Variants in TJP1 observed in about 807,000 individuals in gnomAD.
The protein encoded by TJP1 is tight junction protein 1.
In TJP1, 43 loss-of-function variants were observed where a neutral mutation model predicts 194.2. The observed-to-expected ratio is 0.22, with a 90% CI of 0.17 to 0.29. The LOEUF is 0.29. Among genes scored for constraint, TJP1 ranks in the 10% least tolerant of loss-of-function variants. The pLI, the probability that TJP1 is intolerant of heterozygous loss-of-function variation, is 1.00. For missense variants in TJP1, 1,971 were observed against 2,185.7 expected, an observed-to-expected ratio of 0.90 and a Z score of 1.96; for synonymous variants, 801 against 779.0, an observed-to-expected ratio of 1.03 and a Z score of -0.47.
At chr15:29,754,623 G>A (rs1013935181) in intron 8 of TJP1, among the ~76,000 whole-genome samples, 1 of 152,138 alleles carries the variant, frequency 6.6e-6, no homozygotes, top group Admixed American at 6.5e-5. Flanking sequence ...ATAATTTTTA[G>A]CCTATTGGCA....
At position 29,760,138 on chromosome 15, in the gene TJP1, G is replaced by A. The variant is rs143984185; in HGVS notation, c.1010+1001C>T. The stretch of plus-strand genomic sequence containing the variant: ...ACTGTCTCTTCAGCCCTGGACTCAT[G>A]TTTCAAGTGATCTTCATGTGGACTG... On this transcript the variant is annotated intron_variant, in intron 8 of 27. Transcript: ENST00000614355. 16 of 688,674 alleles carry A rather than the reference G, an allele frequency of 2.3e-5. No individual in the cohort carries two copies. The African/African-American group carries it at 2.8e-4, about 12-fold the overall frequency. 42.7% of individuals were successfully genotyped at this position (688,674 alleles called of 1,614,324 possible). A position where few individuals can be genotyped will look rare whatever the true frequency, so the allele number is the denominator to read the frequency against.
At position 29,822,352 on chromosome 15, in the gene TJP1, G is replaced by T. The variant is rs1230137079; in HGVS notation, c.-324C>A. Reference sequence around the variant, plus strand: ...GGTCGCCCGCCCGTCAGCAGCACCCGTGGCCTCCCGGCGTCTCCTCGGAAG... The same window carrying T: ...GGTCGCCCGCCCGTCAGCAGCACCCTTGGCCTCCCGGCGTCTCCTCGGAAG... On this transcript the variant is annotated 5_prime_UTR_variant, in exon 1 of 28. Coordinates refer to ENST00000614355, the MANE Select transcript of TJP1 (RefSeq NM_001330239.4). 6.7e-6 allele frequency: 7 copies of T among 1,051,218 alleles called. No individual in the cohort carries two copies. The Admixed American group carries it at 3.3e-4, about 50-fold the overall frequency. 65.1% of individuals were successfully genotyped at this position (1,051,218 alleles called of 1,614,324 possible).
In TJP1 at chr15:29,719,897, T is replaced by G; in HGVS notation, c.2883A>C (p.Pro961=). The G allele has an allele frequency of 6.2e-7, 1 of 1,614,042 alleles. No individual in the cohort carries two copies. The change falls in exon 20 of 28, where the codon CCA becomes CCC. Residue 961 remains proline, a synonymous_variant. Coordinates refer to ENST00000614355, the MANE Select transcript of TJP1 (RefSeq NM_001330239.4). ...GTGGTGAGTAAGAGGTGGAAGGAGCTGGGGTGGGCTCCTCCAGTCTGACAT... is the reference window on the plus strand; with the variant it reads ...GTGGTGAGTAAGAGGTGGAAGGAGCGGGGGTGGGCTCCTCCAGTCTGACAT... ...LTNVRLEEPT[P]APSTSYSPQA...
intron 2 of TJP1, among the ~76,000 whole-genome samples, chr15:29,937,129 A>G (rs190953049): frequency 6.6e-6 from 1 of 152,146 alleles, no homozygotes; most frequent in South Asian, 2.1e-4. Context: ...ACTATTATAG[A>G]CTCTATTATA....
At chr15:29,869,880 C>A (rs1204479809) in intron 2 of TJP1, among the ~76,000 whole-genome samples, 1 of 137,760 alleles carries the variant, frequency 7.3e-6, no homozygotes, top group Non-Finnish European at 1.5e-5. Context: ...GATCTCGGCT[C>A]ACTGCAACCT....
intron 2 of TJP1, among the ~76,000 whole-genome samples, chr15:29,949,027 A>C (rs1452477061): frequency 1.4e-5 from 2 of 139,212 alleles, no homozygotes; most frequent in Non-Finnish European, 3.1e-5. Context: ...TACCCTCACA[A>C]ACACCCACCA....
At chr15:29,867,443 C>G (rs1045631821) in intron 2 of TJP1, among the ~76,000 whole-genome samples, 9 of 152,174 alleles carry the variant, frequency 5.9e-5, no homozygotes, top group African/African-American at 2.2e-4. Context: ...TCACATTGGG[C>G]CTTGCTGGCT....
At chr15:29,802,975 A>C (rs2048885515) in intron 1 of TJP1, among the ~76,000 whole-genome samples, 1 of 152,222 alleles carries the variant, frequency 6.6e-6, no homozygotes, top group East Asian at 1.9e-4. Context: ...AGAAGATGTT[A>C]ATCAAATGGG....
intron 2 of TJP1, among the ~76,000 whole-genome samples, chr15:29,878,636 G>T (rs1404994664): frequency 2.0e-5 from 3 of 151,888 alleles, no homozygotes; most frequent in African/African-American, 7.3e-5. Context: ...AAGCATCTTT[G>T]AAAGGTGTCT....
intron 2 of TJP1, among the ~76,000 whole-genome samples, chr15:29,939,677 AG>A (rs1254503953): frequency 6.6e-6 from 1 of 152,196 alleles, no homozygotes; most frequent in Non-Finnish European, 1.5e-5. Flanking sequence ...TAACCACAAA[AG>A]TGATGGTATT....
chr15:29,959,235 C>T (rs2056068143), intron 1 of TJP1, among the ~76,000 whole-genome samples: 1 of 151,630 alleles, frequency 6.6e-6, no homozygotes. Context: ...GTGATCTGCC[C>T]ACCATCAGCC....
intron 2 of TJP1, among the ~76,000 whole-genome samples, chr15:29,933,066 T>C (rs1238116830): frequency 6.6e-6 from 1 of 152,228 alleles, no homozygotes; most frequent in African/African-American, 2.4e-5. Context: ...ATAAAAATCA[T>C]TAAAAATCCC....
intron 8 of TJP1, among the ~76,000 whole-genome samples, chr15:29,755,674 T>C (rs920539032): frequency 2.0e-5 from 3 of 152,206 alleles, no homozygotes; most frequent in Admixed American, 1.3e-4. Flanking sequence ...TTTCGTAAAA[T>C]GGATTTGCTA....
At chr15:29,873,449 C>T (rs1200791619) in intron 2 of TJP1, among the ~76,000 whole-genome samples, 1 of 152,212 alleles carries the variant, frequency 6.6e-6, no homozygotes, top group Non-Finnish European at 1.5e-5. Flanking sequence ...GCGGTCCCTA[C>T]TCCCAGGGAT....
At chr15:29,763,740 C>A (rs1368613503) in intron 5 of TJP1, among the ~76,000 whole-genome samples, 2 of 139,724 alleles carry the variant, frequency 1.4e-5, no homozygotes, top group Admixed American at 7.8e-5. Context: ...GCACTCCAAG[C>A]CTGAGAGAGA....
chr15:29,781,273 G>A (rs1011851932), intron 2 of TJP1, among the ~76,000 whole-genome samples: 22 of 152,016 alleles, frequency 1.4e-4, no homozygotes, highest in African/African-American at 1.7e-4. Flanking sequence ...ACTGAACCAG[G>A]AGAAACTGAA....
chr15:29,932,558 GA>G (rs929324463), intron 2 of TJP1, among the ~76,000 whole-genome samples: 2 of 150,904 alleles, frequency 1.3e-5, no homozygotes, highest in African/African-American at 2.4e-5. Context: ...TTATGACCTG[GA>G]AAAAAAAGGG....
intron 2 of TJP1, among the ~76,000 whole-genome samples, chr15:29,895,899 A>G (rs1298593464): frequency 1.3e-5 from 2 of 152,208 alleles, no homozygotes; most frequent in Non-Finnish European, 2.9e-5. Context: ...TCAAGGTGTC[A>G]GTAGACCCAG....
chr15:29,790,011 C>T (rs1167225380), intron 2 of TJP1, among the ~76,000 whole-genome samples: 1 of 152,172 alleles, frequency 6.6e-6, no homozygotes, highest in Non-Finnish European at 1.5e-5. Context: ...GTTGATCCCT[C>T]TTTACAATAA....
Sources: allele counts gnomAD v4.1 joint callset (sites outside exome capture counted in the v4.1 genomes callset), GRCh38; gene constraint gnomAD v4.1.1; transcripts MANE v1.5; gene names NCBI Gene and HGNC (gene_info 2026-07-23, HGNC 2026-07-21).